The following MAGI1 variants were observed in gnomAD, a reference collection of about 807,000 sequenced individuals.
The protein encoded by MAGI1 is membrane associated guanylate kinase, WW and PDZ domain containing 1, also known as membrane-associated guanylate kinase, WW and PDZ domain-containing protein 1.
In MAGI1, 58 loss-of-function variants were observed where a neutral mutation model predicts 139.9. That is an observed-to-expected ratio of 0.41 (90% confidence interval 0.34 to 0.52). The LOEUF is 0.52. Ranked by LOEUF, MAGI1 falls within the 20% of genes least tolerant of loss-of-function variation. MAGI1 has a pLI of 0.12. For synonymous variants in MAGI1, 812 were observed against 737.9 expected (o/e 1.10, Z -1.63); for missense variants, 1,874 against 1,901.6 (o/e 0.99, Z 0.27).
chr3:65,401,309 G>C, intron 13 of MAGI1, 130 bp downstream of exon 13: 1 of 1,155,710 alleles, frequency 8.7e-7, no homozygotes, highest in South Asian at 1.5e-5. Context: ...AATGAGCCCC[G>C]GCTCCTGTCT....
At chr3:65,364,535 T>C in intron 20 of MAGI1, 130 bp downstream of exon 20, 1 of 752,564 alleles carries the variant, frequency 1.3e-6, no homozygotes, top group Non-Finnish European at 2.3e-6. Context: ...AGTATACGTT[T>C]GGTAAATCAC....
At chr3:65,530,880 AAG>A (rs1382445560) in intron 2 of MAGI1, among the ~76,000 whole-genome samples, 1 of 142,816 alleles carries the variant, frequency 7.0e-6, no homozygotes, top group Admixed American at 7.2e-5. Context: ...GAGAGAGAGA[AAG>A]AGGAGGGGTG....
chr3:65,612,813 C>T lies in MAGI1; in HGVS notation c.430+9159G>A, dbSNP rs375509151. Among the ~76,000 whole-genome samples the T allele has an allele frequency of 5.9e-5, 9 of 152,216 alleles. No individual in the cohort carries two copies. In the East Asian group the frequency reaches 7.7e-4, roughly 13 times the overall value. On this transcript the variant is annotated intron_variant, in intron 2 of 22. Transcript: ENST00000402939. Reference sequence around the variant, plus strand: ...TTCTTGGGAAACTAAAATATCCTTTCCTCAAAATAAATAATACATGGTAAG... The same window carrying T: ...TTCTTGGGAAACTAAAATATCCTTTTCTCAAAATAAATAATACATGGTAAG...
At chr3:65,843,460 T>A (rs1312601469) in intron 1 of MAGI1, among the ~76,000 whole-genome samples, 1 of 152,142 alleles carries the variant, frequency 6.6e-6, no homozygotes, top group Non-Finnish European at 1.5e-5. Context: ...AACAAGGAAA[T>A]GCTCAATGTT....
At chr3:65,484,085 C>T (rs934049510) in intron 3 of MAGI1, among the ~76,000 whole-genome samples, 1 of 152,208 alleles carries the variant, frequency 6.6e-6, no homozygotes, top group Non-Finnish European at 1.5e-5. Flanking sequence ...ATCTTCACAA[C>T]CATTCTATAT....
At chr3:65,650,952 T>C (rs979623699) in intron 1 of MAGI1, among the ~76,000 whole-genome samples, 1 of 152,228 alleles carries the variant, frequency 6.6e-6, no homozygotes, top group Non-Finnish European at 1.5e-5. Flanking sequence ...GAAAAATGCA[T>C]ATTTTTAGTT....
At chr3:65,981,639 G>A (rs2065587336) in intron 1 of MAGI1, among the ~76,000 whole-genome samples, 2 of 152,134 alleles carry the variant, frequency 1.3e-5, no homozygotes, top group South Asian at 4.1e-4. Flanking sequence ...CACGTGTTGT[G>A]GGAGGCACCC....
intron 1 of MAGI1, among the ~76,000 whole-genome samples, chr3:65,731,613 C>T (rs1464017798): frequency 6.7e-6 from 1 of 149,722 alleles, no homozygotes; most frequent in African/African-American, 2.5e-5. Context: ...TGTGATTGTA[C>T]CACTGCACTC....
intron 1 of MAGI1, among the ~76,000 whole-genome samples, chr3:65,822,575 G>C (rs193098878): frequency 1.3e-5 from 2 of 152,076 alleles, no homozygotes; most frequent in East Asian, 1.9e-4. Flanking sequence ...AATACCTGAG[G>C]CTGGGTAATT....
At chr3:65,873,832 A>G (rs945605624) in intron 1 of MAGI1, 3 of 152,228 alleles carry the variant, frequency 2.0e-5, no homozygotes, top group Non-Finnish European at 4.4e-5. Flanking sequence ...TGGACCATAT[A>G]CCTAAATGTA....
At chr3:65,413,945 G>A (rs1421602623) in intron 12 of MAGI1, among the ~76,000 whole-genome samples, 1 of 152,146 alleles carries the variant, frequency 6.6e-6, no homozygotes, top group African/African-American at 2.4e-5. Flanking sequence ...TGGCAGGGAA[G>A]AGTAAGTACA....
intron 3 of MAGI1, 98 bp from the exon 4 acceptor site, chr3:65,478,896 A>T: frequency 5.6e-6 from 5 of 892,302 alleles, no homozygotes; most frequent in Non-Finnish European, 9.0e-6. Context: ...TTAAAAAAAA[A>T]ATTAAACTAG....
intron 2 of MAGI1, among the ~76,000 whole-genome samples, chr3:65,526,675 C>G (rs370838196): frequency 6.6e-6 from 1 of 152,186 alleles, no homozygotes; most frequent in Non-Finnish European, 1.5e-5. Flanking sequence ...AACCCACCTT[C>G]TCATCACTTT....
chr3:65,573,657 T>C (rs1041325958), intron 2 of MAGI1, among the ~76,000 whole-genome samples: 2 of 152,144 alleles, frequency 1.3e-5, no homozygotes, highest in African/African-American at 4.8e-5. Context: ...AAAGAGTGAA[T>C]GTTTTTTCCC....
At chr3:65,442,468 G>T (rs1192043526) in intron 8 of MAGI1, among the ~76,000 whole-genome samples, 2 of 139,974 alleles carry the variant, frequency 1.4e-5, no homozygotes, top group Non-Finnish European at 1.5e-5. Context: ...CTGGTCTACT[G>T]AATCCTGGCT....
At chr3:65,416,489 A>T (rs922343569) in intron 12 of MAGI1, among the ~76,000 whole-genome samples, 2 of 152,242 alleles carry the variant, frequency 1.3e-5, no homozygotes, top group African/African-American at 4.8e-5. Flanking sequence ...ATTAGGCATG[A>T]GACAATGGGG....
chr3:66,037,364 G>C (rs1488539688), intron 1 of MAGI1, among the ~76,000 whole-genome samples: 1 of 152,112 alleles, frequency 6.6e-6, no homozygotes, highest in African/African-American at 2.4e-5. Context: ...CGAGCTAAAA[G>C]CAAGCACCCC....
chr3:65,689,608 A>T (rs2088390914), intron 1 of MAGI1, among the ~76,000 whole-genome samples: 3 of 152,188 alleles, frequency 2.0e-5, no homozygotes, highest in Non-Finnish European at 4.4e-5. Flanking sequence ...CCCACAGACA[A>T]GGAAAACTCC....
At chr3:65,543,073 C>A (rs2079319963) in intron 2 of MAGI1, among the ~76,000 whole-genome samples, 1 of 151,724 alleles carries the variant, frequency 6.6e-6, no homozygotes, top group Non-Finnish European at 1.5e-5. Context: ...AAACAAACAA[C>A]CCCATCAAAA....
Sources: gnomAD v4.1 joint callset for allele counts (sites outside exome capture counted in the v4.1 genomes callset) on GRCh38, gnomAD v4.1.1 for gene constraint, MANE v1.5 for transcripts, NCBI Gene and HGNC (gene_info 2026-07-23, HGNC 2026-07-21) for gene names.